Variants in NEK1 observed in about 807,000 individuals in gnomAD.
The protein encoded by NEK1 is serine/threonine-protein kinase Nek1.
In NEK1, 137 loss-of-function variants were observed where a neutral mutation model predicts 182.1. The observed-to-expected ratio is 0.75, with a 90% CI of 0.65 to 0.87. The LOEUF (loss-of-function observed/expected upper bound fraction) is 0.87. NEK1 is among the 40% of genes least tolerant of loss of function. NEK1 has a pLI of 0.00. For missense variants in NEK1, 1,391 were observed against 1,494.4 expected (o/e 0.93, Z 1.14); for synonymous variants, 513 against 492.2 (o/e 1.04, Z -0.56).
intron 5 of NEK1, among the ~76,000 whole-genome samples, chr4:169,598,567 G>A (rs556194601): frequency 6.6e-6 from 1 of 152,242 alleles, no homozygotes; most frequent in Non-Finnish European, 1.5e-5. Context: ...ATGTGGCCCG[G>A]TGCCTAACAC....
At chr4:169,438,403 A>C (rs1738823602) in intron 27 of NEK1, 144 bp from the exon 28 acceptor site, 1 of 592,656 alleles carries the variant, frequency 1.7e-6, no homozygotes, top group Non-Finnish European at 2.9e-6. Flanking sequence ...AGAAGTTAAT[A>C]AGTGACTACA....
At chr4:169,586,147 CAA>C (rs555965518) in intron 9 of NEK1, among the ~76,000 whole-genome samples, 34 of 149,676 alleles carry the variant, frequency 2.3e-4, no homozygotes, top group Middle Eastern at 6.8e-3. Context: ...AAAAAGAAAA[CAA>C]GAGGTAGGGC....
At position 169,443,914 on chromosome 4, in the gene NEK1, C is replaced by T. The variant is rs146048797; in HGVS notation, c.2588-5655G>A. On this transcript the variant is annotated intron_variant, in intron 27 of 35. Coordinates refer to ENST00000507142, the MANE Select transcript of NEK1 (RefSeq NM_001199397.3). ...AAAAACAAAACCAAAAACAAACCAA[C>T]AACAAACTGTCAGCCAAGAATACTA... 8.3e-4 allele frequency among the ~76,000 whole-genome samples: 126 copies of T among 152,234 alleles called. 1 individual carries two copies. The highest frequency in any genetic ancestry group is 7.4e-5 in the Non-Finnish European group (5 of 67,988).
chr4:169,465,295 T>C (rs559037711), intron 26 of NEK1, among the ~76,000 whole-genome samples: 4 of 152,164 alleles, frequency 2.6e-5, no homozygotes, highest in African/African-American at 9.6e-5. Flanking sequence ...GATAACTAAA[T>C]GTTCATAAGA....
intron 27 of NEK1, among the ~76,000 whole-genome samples, chr4:169,458,756 G>A (rs563488081): frequency 6.6e-6 from 1 of 151,130 alleles, no homozygotes; most frequent in South Asian, 2.1e-4. Context: ...TGGGCCCAGG[G>A]AGGTTGAGGC....
intron 5 of NEK1, among the ~76,000 whole-genome samples, chr4:169,595,922 CAA>C (rs56313001): frequency 1.5e-4 from 10 of 67,190 alleles, no homozygotes; most frequent in East Asian, 4.0e-4. Context: ...GACTCCACCT[CAA>C]AAAAAAAAAA....
intron 9 of NEK1, among the ~76,000 whole-genome samples, chr4:169,587,164 T>C (rs961675605): frequency 6.6e-6 from 1 of 151,924 alleles, no homozygotes; most frequent in Admixed American, 6.6e-5. Context: ...CATCAGTGAG[T>C]ATATGGAATG....
At chr4:169,467,831 G>A (rs1014868687) in intron 26 of NEK1, among the ~76,000 whole-genome samples, 3 of 151,754 alleles carry the variant, frequency 2.0e-5, no homozygotes, top group African/African-American at 7.2e-5. Context: ...ATTGTAAATT[G>A]AGGAGCTCTG....
intron 23 of NEK1, among the ~76,000 whole-genome samples, chr4:169,493,012 A>G (rs1014013759): frequency 3.3e-5 from 5 of 152,186 alleles, no homozygotes; most frequent in Admixed American, 6.5e-5. Flanking sequence ...TTGGGGCCCA[A>G]TGGCCCTTTC....
chr4:169,536,947 T>G (rs1359393313), intron 19 of NEK1, among the ~76,000 whole-genome samples: 1 of 152,200 alleles, frequency 6.6e-6, no homozygotes, highest in Non-Finnish European at 1.5e-5. Flanking sequence ...TTCAAAAATT[T>G]TAACTATGTT....
chr4:169,490,434 A>G (rs1365280340), intron 23 of NEK1, among the ~76,000 whole-genome samples: 3 of 152,168 alleles, frequency 2.0e-5, no homozygotes, highest in Admixed American at 2.0e-4. Context: ...AAAAAGCAGG[A>G]AAACATGACA....
At chr4:169,418,264 A>C (rs964947989) in intron 31 of NEK1, among the ~76,000 whole-genome samples, 1 of 152,230 alleles carries the variant, frequency 6.6e-6, no homozygotes. Flanking sequence ...ACAAAGTTTA[A>C]AAGTGTAAAA....
Position 169,419,823 on chromosome 4 carries a change from T to C in NEK1, c.3222+4730A>G, listed in dbSNP as rs550660905. ...TTACTACACTCAATATTATAGAAGA[T>C]TGTAATACAATGGTAAATATTTGTC... On this transcript the variant is annotated intron_variant, in intron 31 of 35. Coordinates refer to ENST00000507142, the MANE Select transcript of NEK1 (RefSeq NM_001199397.3). Among the ~76,000 whole-genome samples, 62 of 152,298 alleles carry C rather than the reference T, an allele frequency of 4.1e-4. No homozygotes were observed. In the South Asian group the frequency reaches 0.011, roughly 28 times the overall value.
chr4:169,482,552 T>C (rs1580072808), intron 23 of NEK1, among the ~76,000 whole-genome samples: 1 of 152,014 alleles, frequency 6.6e-6, no homozygotes, highest in Admixed American at 6.6e-5. Flanking sequence ...CCTCAAGCAA[T>C]TCTCGTGCCT....
intron 28 of NEK1, among the ~76,000 whole-genome samples, chr4:169,437,620 G>C (rs144008382): frequency 3.3e-5 from 5 of 152,190 alleles, no homozygotes; most frequent in East Asian, 3.9e-4. Context: ...TGTGAGCCCC[G>C]GGCCATCACA....
chr4:169,600,746 A>C (rs1770349664), intron 4 of NEK1, among the ~76,000 whole-genome samples: 1 of 152,202 alleles, frequency 6.6e-6, no homozygotes. Context: ...TAGATGTTAT[A>C]ATGTATGTAG....
chr4:169,563,040 C>G (rs1371225063), intron 12 of NEK1, among the ~76,000 whole-genome samples: 4 of 152,020 alleles, frequency 2.6e-5, no homozygotes, highest in Non-Finnish European at 5.9e-5. Flanking sequence ...TTATCTTATA[C>G]TTTACTCATT....
intron 5 of NEK1, among the ~76,000 whole-genome samples, chr4:169,592,375 A>T (rs1461993821): frequency 6.6e-6 from 1 of 152,196 alleles, no homozygotes; most frequent in East Asian, 1.9e-4. Flanking sequence ...TACTAGAAAT[A>T]CTATGCAGTC....
chr4:169,521,650 A>T (rs1489513859), intron 19 of NEK1, among the ~76,000 whole-genome samples: 1 of 152,196 alleles, frequency 6.6e-6, no homozygotes, highest in Non-Finnish European at 1.5e-5. Flanking sequence ...TGCATTTGAG[A>T]GTGTCTTTAT....
Sources: allele counts gnomAD v4.1 joint callset (sites outside exome capture counted in the v4.1 genomes callset), GRCh38; gene constraint gnomAD v4.1.1; transcripts MANE v1.5; gene names NCBI Gene and HGNC (gene_info 2026-07-23, HGNC 2026-07-21).